FAM184A: variants seen among roughly 807,000 people sequenced by gnomAD.
FAM184A encodes the protein family with sequence similarity 184 member A.
FAM184A carries 99 observed loss-of-function variants against 143.8 expected under a neutral mutation model. That is an observed-to-expected ratio of 0.69 (90% confidence interval 0.58 to 0.81). FAM184A has a LOEUF of 0.81. Ranked by LOEUF, FAM184A falls within the 40% of genes least tolerant of loss-of-function variation. The probability of loss-of-function intolerance (pLI) is 0.00; values close to 1 mark genes in which losing one functional copy is unlikely to be tolerated. For missense variants in FAM184A, 1,217 were observed against 1,310.5 expected, an observed-to-expected ratio of 0.93 and a Z score of 1.10; for synonymous variants, 427 against 446.4, an observed-to-expected ratio of 0.96 and a Z score of 0.55.
rs17080815 is a variant in FAM184A, at chr6:119,067,783, C to T, written c.159+10358G>A. ...TCAACCTTTACTTGACAGCTATGGTCCCCAACAATGTAGACTATATATCCA... is the reference window on the plus strand; with the variant it reads ...TCAACCTTTACTTGACAGCTATGGTTCCCAACAATGTAGACTATATATCCA... On this transcript the variant is annotated intron_variant, in intron 1 of 17. Coordinates refer to ENST00000338891, the MANE Select transcript of FAM184A (RefSeq NM_024581.6). Among the ~76,000 whole-genome samples, 1,259 of 152,120 alleles carry T rather than the reference C, an allele frequency of 8.3e-3. 16 individuals are homozygous for T. The highest frequency in any genetic ancestry group is 0.029 in the African/African-American group (1,194 of 41,482).
intron 1 of FAM184A, among the ~76,000 whole-genome samples, chr6:119,025,940 T>C (rs907115926): frequency 6.6e-6 from 1 of 152,202 alleles, no homozygotes; most frequent in Admixed American, 6.5e-5. Flanking sequence ...GAGGTAACTG[T>C]GGCAGACTGG....
At chr6:119,008,967 G>A (rs112978457) in intron 6 of FAM184A, among the ~76,000 whole-genome samples, 22 of 152,212 alleles carry the variant, frequency 1.4e-4, no homozygotes, top group African/African-American at 5.3e-4. Flanking sequence ...CCTTCTTCTT[G>A]GTCTTTATAT....
intron 1 of FAM184A, among the ~76,000 whole-genome samples, chr6:119,140,955 G>A (rs1050833288): frequency 1.3e-5 from 2 of 152,198 alleles, no homozygotes; most frequent in Admixed American, 6.5e-5. Flanking sequence ...GTAGCATTAA[G>A]CAGGCGTTGA....
rs945436356 is a variant in FAM184A, at chr6:119,141,541, A to G, written c.-202+7537T>C. ...GTTCTGTCGCCCAGGCAGTGGCGCG[A>G]TCTTGGCTCACTGCAGTCTCTGCCT... On this transcript the variant is annotated intron_variant, in intron 1 of 16. Coordinates refer to the FAM184A transcript ENST00000352896. Among the ~76,000 whole-genome samples, 3 of 152,034 alleles carry G rather than the reference A, an allele frequency of 2.0e-5. 1 individual carries two copies. Among genetic ancestry groups the G allele is most frequent in the Non-Finnish European group, 4.4e-5 (3 of 68,012 alleles).
chr6:119,021,112 A>G (rs545461235), intron 3 of FAM184A, among the ~76,000 whole-genome samples: 2 of 152,198 alleles, frequency 1.3e-5, no homozygotes, highest in South Asian at 2.1e-4. Flanking sequence ...CCCAGACCTA[A>G]AAGTGAATCA....
chr6:119,034,039 TATAGAGAGAGAGAGAG>T (rs1230293858), intron 1 of FAM184A, among the ~76,000 whole-genome samples: 750 of 30,268 alleles, frequency 0.025, 3 homozygotes, highest in South Asian at 0.041. Context: ...TATATATATA[TATAGAGAGAGAGAGAG>T]AGAGAGAGAG....
At chr6:119,105,209 T>A (rs4946396) in intron 1 of FAM184A, among the ~76,000 whole-genome samples, 96,549 of 151,992 alleles carry the variant, frequency 0.64, 31,347 homozygotes, top group East Asian at 0.96. Context: ...AACAGGGGAA[T>A]CTGGGTGTGG....
In FAM184A at chr6:119,138,423, C is replaced by T. The variant is rs562303126; in HGVS notation, c.-202+10655G>A. Reference sequence around the variant, plus strand: ...GGCTAAAATGAAGACATTCTCAAGGCTGATTATGCAAGCTCTTGGGGAGAA... The same window carrying T: ...GGCTAAAATGAAGACATTCTCAAGGTTGATTATGCAAGCTCTTGGGGAGAA... On this transcript the variant is annotated intron_variant, in intron 1 of 16. Coordinates refer to the FAM184A transcript ENST00000352896. Among the ~76,000 whole-genome samples the T allele has an allele frequency of 8.7e-4, 133 of 152,236 alleles. 1 individual carries two copies. In the South Asian group the frequency reaches 9.3e-3, roughly 11 times the overall value.
intron 4 of FAM184A, among the ~76,000 whole-genome samples, chr6:119,018,893 T>C (rs1230191984): frequency 6.6e-6 from 1 of 151,848 alleles, no homozygotes; most frequent in Non-Finnish European, 1.5e-5. Context: ...AGCAACTAGA[T>C]AGACAGTGGT....
At chr6:118,992,090 G>A (rs1406221384) in intron 9 of FAM184A, among the ~76,000 whole-genome samples, 2 of 152,076 alleles carry the variant, frequency 1.3e-5, no homozygotes, top group African/African-American at 4.8e-5. Context: ...AAGCAAGGGA[G>A]TGGCAGGATC....
intron 14 of FAM184A, among the ~76,000 whole-genome samples, chr6:118,971,265 T>C (rs977667362): frequency 3.3e-5 from 5 of 152,170 alleles, no homozygotes; most frequent in African/African-American, 1.2e-4. Flanking sequence ...CAAAAGTTAT[T>C]TGGGTATTAT....
rs1329133052 is a variant in FAM184A at position 119,078,252 on chromosome 6, C to T, written c.48G>A (p.Ser16=). The T allele has an allele frequency of 2.0e-6, 3 of 1,520,546 alleles. No individual in the cohort carries two copies. The highest frequency in any genetic ancestry group is 5.0e-5 in the East Asian group (2 of 39,800). The allele number at this position is 1,520,546 out of a possible 1,614,324, so 94.2% of individuals were successfully genotyped here. ...MSWQQHYYGG[S]AAKFAPSPAT... is the part of the protein sequence containing the mutation. ...CCGGCGAGGGCGCGAATTTGGCCGC[C>T]GAGCCGCCGTAATAGTGCTGCTGCC... is the stretch of plus-strand genomic sequence containing the variant. Residue 16 remains serine (S), a synonymous_variant, in exon 1 of 18, where the codon TCG becomes TCA. Coordinates refer to ENST00000338891, the MANE Select transcript of FAM184A (RefSeq NM_024581.6). The surrounding 1 kb of genome is among the most constrained non-coding windows in gnomAD (Gnocchi z 5.5).
At chr6:119,132,978 T>A (rs1789574782) in intron 1 of FAM184A, among the ~76,000 whole-genome samples, 1 of 152,184 alleles carries the variant, frequency 6.6e-6, no homozygotes, top group African/African-American at 2.4e-5. Flanking sequence ...AAGAGCGAAA[T>A]CAGATAGGAT....
chr6:118,981,841 T>C (rs1485470334), intron 9 of FAM184A, among the ~76,000 whole-genome samples: 1 of 152,168 alleles, frequency 6.6e-6, no homozygotes, highest in East Asian at 1.9e-4. Context: ...GTAATCTGTT[T>C]TAATGTATTT....
At chr6:119,115,955 A>G (rs1789046705) in intron 1 of FAM184A, among the ~76,000 whole-genome samples, 1 of 146,258 alleles carries the variant, frequency 6.8e-6, no homozygotes, top group African/African-American at 2.6e-5. Context: ...GGTGACAGAG[A>G]AAGACTCCGT....
At chr6:119,109,904 C>A (rs1788887150) in intron 1 of FAM184A, among the ~76,000 whole-genome samples, 1 of 152,036 alleles carries the variant, frequency 6.6e-6, no homozygotes, top group African/African-American at 2.4e-5. Context: ...TAGTTCTGCC[C>A]TGCATTTTAG....
intron 1 of FAM184A, among the ~76,000 whole-genome samples, chr6:119,138,539 A>T (rs1421297345): frequency 6.6e-6 from 1 of 152,000 alleles, no homozygotes; most frequent in Non-Finnish European, 1.5e-5. Context: ...TGGCCAGTCA[A>T]GTCTTTCTCA....
intron 9 of FAM184A, among the ~76,000 whole-genome samples, chr6:118,995,992 T>A (rs1440107055): frequency 6.6e-6 from 1 of 152,210 alleles, no homozygotes; most frequent in African/African-American, 2.4e-5. Flanking sequence ...TGCCCAGTAT[T>A]CTTAACGCAC....
At chr6:119,044,887 A>C (rs112699939) in intron 1 of FAM184A, among the ~76,000 whole-genome samples, 11 of 152,184 alleles carry the variant, frequency 7.2e-5, no homozygotes, top group Non-Finnish European at 1.3e-4. Flanking sequence ...GGTGATTAGG[A>C]ATTAGAGTGC....
Sources: gnomAD v4.1 joint callset for allele counts (sites outside exome capture counted in the v4.1 genomes callset) on GRCh38, gnomAD v4.1.1 for gene constraint, Gnocchi (gnomAD v3.1) non-coding constraint, MANE v1.5 for transcripts, NCBI Gene and HGNC (gene_info 2026-07-23, HGNC 2026-07-21) for gene names.